The following SLC16A12 variants were observed in gnomAD, a reference collection of about 807,000 sequenced individuals.
SLC16A12 encodes the protein monocarboxylate transporter 12.
In SLC16A12, 17 loss-of-function variants were observed where a neutral mutation model predicts 42.4. The ratio of observed to expected loss-of-function variants is 0.40; its 90% CI spans 0.27 to 0.60. SLC16A12 has a LOEUF of 0.60. SLC16A12 is among the 20% of genes least tolerant of loss of function. The pLI is 0.42. For synonymous variants in SLC16A12, 224 were observed against 229.4 expected, an observed-to-expected ratio of 0.98 and a Z score of 0.21; for missense variants, 544 against 623.0, an observed-to-expected ratio of 0.87 and a Z score of 1.35.
rs1190601172 is a variant in SLC16A12, at chr10:89,432,929, A to AT, written c.*134dup. On this transcript the variant is annotated 3_prime_UTR_variant, in exon 8 of 8. Coordinates refer to ENST00000371790, the MANE Select transcript of SLC16A12 (RefSeq NM_213606.4). ...GTGCTGTTTTCCCTTATAAATATTA[A>AT]TATGTTAACAAAACAATAATAATAA... 1.7e-6 allele frequency: 2 copies of AT among 1,205,306 alleles called. No individual in the cohort carries two copies. The highest frequency in any genetic ancestry group is 3.1e-5 in the African/African-American group (2 of 64,982). 74.7% of individuals were successfully genotyped at this position (1,205,306 alleles called of 1,614,324 possible). A position where few individuals can be genotyped will look rare whatever the true frequency, so the allele number is the denominator to read the frequency against.
intron 2 of SLC16A12, among the ~76,000 whole-genome samples, chr10:89,525,220 C>CAAAAAAAA (rs869295721): frequency 4.3e-4 from 28 of 64,602 alleles, no homozygotes; most frequent in East Asian, 6.8e-4. Context: ...GACACCATAT[C>CAAAAAAAA]AAAAAAAAAA....
intron 2 of SLC16A12, among the ~76,000 whole-genome samples, chr10:89,506,267 T>C (rs1176856241): frequency 6.6e-6 from 1 of 152,180 alleles, no homozygotes; most frequent in African/African-American, 2.4e-5. Context: ...TGACCCCATG[T>C]AGCCTGACTG....
At position 89,436,326 on chromosome 10, in the gene SLC16A12, A is replaced by G. The variant is rs550730224; in HGVS notation, c.1029-7T>C. The G allele has an allele frequency of 1.9e-6, 3 of 1,614,090 alleles. No individual in the cohort carries two copies. The African/African-American group carries it at 4.0e-5, about 22-fold the overall frequency. On this transcript the variant is annotated splice_polypyrimidine_tract_variant and splice_region_variant and intron_variant, in intron 6 of 7. Transcript: ENST00000371790. ...CTGGTAATTCTTCAGACACCTGTAGATTTGAAGAACAAGAATAAGTGCAGG... is the reference window on the plus strand; with the variant it reads ...CTGGTAATTCTTCAGACACCTGTAGGTTTGAAGAACAAGAATAAGTGCAGG...
chr10:89,513,798 T>A (rs1843201903), intron 2 of SLC16A12, among the ~76,000 whole-genome samples: 2 of 151,588 alleles, frequency 1.3e-5, no homozygotes, highest in Non-Finnish European at 2.9e-5. Flanking sequence ...AAACCAGGAG[T>A]ATGTGGTTAA....
chr10:89,499,478 T>A (rs1055494245), intron 2 of SLC16A12, among the ~76,000 whole-genome samples: 2 of 152,128 alleles, frequency 1.3e-5, no homozygotes, highest in Non-Finnish European at 2.9e-5. Flanking sequence ...CACTTGAACC[T>A]GGGAGGTGGA....
At chr10:89,524,680 T>C (rs1036044576) in intron 2 of SLC16A12, among the ~76,000 whole-genome samples, 1 of 152,218 alleles carries the variant, frequency 6.6e-6, no homozygotes, top group Non-Finnish European at 1.5e-5. Flanking sequence ...TACAGAGGCC[T>C]TTCCTCAAAG....
intron 2 of SLC16A12, among the ~76,000 whole-genome samples, chr10:89,498,200 G>A (rs1429804646): frequency 6.6e-6 from 1 of 152,066 alleles, no homozygotes; most frequent in Non-Finnish European, 1.5e-5. Flanking sequence ...CTACTCGGAG[G>A]TGGGTAGGGT....
At chr10:89,525,736 ATTGAGG>A (rs1180355224) in intron 2 of SLC16A12, among the ~76,000 whole-genome samples, 1 of 152,196 alleles carries the variant, frequency 6.6e-6, no homozygotes, top group African/African-American at 2.4e-5. Flanking sequence ...GCCGGCTGGC[ATTGAGG>A]GTGGAGTCTG....
In SLC16A12 at chr10:89,473,573, TGAA is replaced by T. The variant is rs570599433; in HGVS notation, c.-46-10952_-46-10950del. Among the ~76,000 whole-genome samples, 352 of 152,346 alleles carry T rather than the reference TGAA, an allele frequency of 2.3e-3. 1 individual carries two copies. The highest frequency in any genetic ancestry group is 8.0e-3 in the African/African-American group (332 of 41,582). The stretch of plus-strand genomic sequence containing the variant: ...TGCCTTCATTTAAAATGGAGGCTTA[TGAA>T]GAAGTTTACATTTATTATAGCAACA... On this transcript the variant is annotated intron_variant, in intron 2 of 7. Transcript: ENST00000371790.
chr10:89,539,889 C>CTTTCTTTCTTTCTTTA (rs1843702734), upstream of SLC16A12, among the ~76,000 whole-genome samples: 1 of 146,858 alleles, frequency 6.8e-6, no homozygotes, highest in Non-Finnish European at 1.5e-5. Flanking sequence ...TTCTTTCTTT[C>CTTTCTTTCTTTCTTTA]TTTCTTTCTT....
chr10:89,448,927 A>G (rs1222954180), intron 3 of SLC16A12, among the ~76,000 whole-genome samples: 1 of 152,230 alleles, frequency 6.6e-6, no homozygotes, highest in Non-Finnish European at 1.5e-5. Context: ...TACAAAATCA[A>G]TGTGCAAAAA....
intron 2 of SLC16A12, among the ~76,000 whole-genome samples, chr10:89,490,064 T>C (rs1384451605): frequency 1.3e-5 from 2 of 152,178 alleles, no homozygotes; most frequent in Non-Finnish European, 2.9e-5. Flanking sequence ...GATAGATAAC[T>C]ATAGTGACTC....
intron 2 of SLC16A12, among the ~76,000 whole-genome samples, chr10:89,533,168 GT>G (rs578088067): frequency 2.8e-4 from 41 of 145,650 alleles, no homozygotes; most frequent in Middle Eastern, 3.6e-3. Context: ...GTCGTTTTTA[GT>G]TTTTTTTTTT....
upstream of SLC16A12, among the ~76,000 whole-genome samples, chr10:89,538,481 C>T (rs1244109710): frequency 2.0e-5 from 3 of 152,162 alleles, no homozygotes; most frequent in African/African-American, 7.2e-5. Context: ...CTAATGTCTA[C>T]CATACTGGAT....
chr10:89,518,305 T>G (rs1466967494), intron 2 of SLC16A12, among the ~76,000 whole-genome samples: 1 of 152,152 alleles, frequency 6.6e-6, no homozygotes, highest in Non-Finnish European at 1.5e-5. Context: ...CTGTTGCTGT[T>G]AAACTTCAGT....
chr10:89,541,161 C>T (rs1400584715), intron 2 of SLC16A12, among the ~76,000 whole-genome samples: 3 of 151,544 alleles, frequency 2.0e-5, no homozygotes, highest in Non-Finnish European at 2.9e-5. Context: ...CTCCTGACCT[C>T]GTGATCCGCC....
At chr10:89,530,466 G>A (rs753890795) in intron 2 of SLC16A12, among the ~76,000 whole-genome samples, 3 of 151,000 alleles carry the variant, frequency 2.0e-5, no homozygotes, top group East Asian at 3.9e-4. Context: ...TGCCCAGGCT[G>A]GAGTGCAGTG....
chr10:89,540,859 G>A (rs966594552), intron 2 of SLC16A12, among the ~76,000 whole-genome samples: 1 of 151,522 alleles, frequency 6.6e-6, no homozygotes, highest in African/African-American at 2.4e-5. Context: ...TCAGAAAACC[G>A]AAGTAAAAAA....
At chr10:89,449,247 G>GA (rs1243231157) in intron 3 of SLC16A12, among the ~76,000 whole-genome samples, 3 of 152,092 alleles carry the variant, frequency 2.0e-5, no homozygotes, top group Non-Finnish European at 4.4e-5. Context: ...CACAGAATTG[G>GA]AAAAAACTAC....
Sources: allele counts gnomAD v4.1 joint callset (sites outside exome capture counted in the v4.1 genomes callset), GRCh38; gene constraint gnomAD v4.1.1; transcripts MANE v1.5; gene names NCBI Gene and HGNC (gene_info 2026-07-23, HGNC 2026-07-21).